The following TENM3 variants were observed in gnomAD, a reference collection of about 807,000 sequenced individuals.
TENM3 encodes teneurin transmembrane protein 3.
Under a neutral mutation model 255.1 loss-of-function variants are expected in TENM3, and 63 were observed. The ratio of observed to expected loss-of-function variants is 0.25; its 90% CI spans 0.20 to 0.30. The LOEUF (loss-of-function observed/expected upper bound fraction) is 0.30, where lower values mean the gene tolerates loss of function less well. Among genes scored for constraint, TENM3 ranks in the 10% least tolerant of loss-of-function variants. TENM3 has a pLI of 1.00. For missense variants in TENM3, 2,929 were observed against 3,461.1 expected (o/e 0.85, Z 3.86); for synonymous variants, 1,306 against 1,322.3 (o/e 0.99, Z 0.27).
the TENM3 span, among the ~76,000 whole-genome samples, chr4:181,726,505 T>C: frequency 2.6e-5 from 4 of 152,222 alleles, no homozygotes; most frequent in East Asian, 7.7e-4. Flanking sequence ...GAAATATTGC[T>C]TCTGAATGTC....
At chr4:182,780,861 T>C (rs957985865) in intron 24 of TENM3, among the ~76,000 whole-genome samples, 1 of 150,528 alleles carries the variant, frequency 6.6e-6, no homozygotes, top group Non-Finnish European at 1.5e-5. Context: ...TCTGTTTGTC[T>C]GTTGTTGGTG....
chr4:182,022,205 G>A, the TENM3 span, among the ~76,000 whole-genome samples: 1 of 151,964 alleles, frequency 6.6e-6, no homozygotes, highest in Non-Finnish European at 1.5e-5. Context: ...ATACACCATG[G>A]AATGCTATGC....
At chr4:182,281,124 G>A (rs1760358203) in intron 1 of TENM3, among the ~76,000 whole-genome samples, 2 of 152,124 alleles carry the variant, frequency 1.3e-5, no homozygotes. Context: ...ACATCTTTAA[G>A]TTGTAAAGCT....
chr4:181,566,003 T>C, the TENM3 span, among the ~76,000 whole-genome samples: 2 of 151,958 alleles, frequency 1.3e-5, no homozygotes, highest in African/African-American at 4.8e-5. Flanking sequence ...AAAAAGGAGA[T>C]AGAAACCACA....
chr4:182,539,373 G>A (rs1291377634), intron 3 of TENM3, among the ~76,000 whole-genome samples: 1 of 152,092 alleles, frequency 6.6e-6, no homozygotes, highest in African/African-American at 2.4e-5. Flanking sequence ...CTTCTCCGGA[G>A]GGATGGGAGT....
At chr4:182,441,428 T>C (rs1324725421) in intron 3 of TENM3, among the ~76,000 whole-genome samples, 1 of 152,244 alleles carries the variant, frequency 6.6e-6, no homozygotes, top group East Asian at 1.9e-4. Context: ...TTTTAAAATC[T>C]GGATTCTTCA....
chr4:182,053,104 C>A, the TENM3 span, among the ~76,000 whole-genome samples: 1 of 152,060 alleles, frequency 6.6e-6, no homozygotes, highest in Non-Finnish European at 1.5e-5. Context: ...CAAGTGAGTG[C>A]CACCTCTCCT....
At chr4:181,984,055 C>T in the TENM3 span, among the ~76,000 whole-genome samples, 1 of 152,008 alleles carries the variant, frequency 6.6e-6, no homozygotes. Flanking sequence ...CATTGCTGTA[C>T]TCATTCTTCT....
At chr4:181,464,039 A>G in the TENM3 span, among the ~76,000 whole-genome samples, 1 of 152,182 alleles carries the variant, frequency 6.6e-6, no homozygotes, top group Admixed American at 6.5e-5. Context: ...CATTTTGTTT[A>G]TCCATTTATA....
intron 1 of TENM3, among the ~76,000 whole-genome samples, chr4:182,253,723 A>G (rs1758192276): frequency 6.6e-6 from 1 of 152,218 alleles, no homozygotes; most frequent in Admixed American, 6.5e-5. Context: ...AAATTGAAGC[A>G]AACTTTTATC....
At chr4:181,985,688 A>G in the TENM3 span, among the ~76,000 whole-genome samples, 1 of 152,160 alleles carries the variant, frequency 6.6e-6, no homozygotes, top group African/African-American at 2.4e-5. Flanking sequence ...ATTGTATTTT[A>G]AATAAACAAT....
At chr4:182,389,626 C>T (rs141582306) in intron 3 of TENM3, among the ~76,000 whole-genome samples, 1 of 151,844 alleles carries the variant, frequency 6.6e-6, no homozygotes, top group East Asian at 1.9e-4. Context: ...GGCACCAATA[C>T]GAATTAGGTT....
the TENM3 span, among the ~76,000 whole-genome samples, chr4:181,634,309 G>C: frequency 6.7e-6 from 1 of 150,164 alleles, no homozygotes; most frequent in African/African-American, 2.5e-5. Flanking sequence ...TTCTTCAATC[G>C]TTTGAAAAAA....
chr4:182,421,411 C>T (rs146621910), intron 3 of TENM3, among the ~76,000 whole-genome samples: 3 of 152,242 alleles, frequency 2.0e-5, no homozygotes, highest in Admixed American at 6.5e-5. Flanking sequence ...TCTAGATCAA[C>T]GTTTCTCCCC....
chr4:181,653,457 C>T, the TENM3 span, among the ~76,000 whole-genome samples: 2 of 151,998 alleles, frequency 1.3e-5, no homozygotes, highest in Non-Finnish European at 2.9e-5. Context: ...TCGCCCAGGC[C>T]GGAGTGCAAT....
intron 3 of TENM3, among the ~76,000 whole-genome samples, chr4:182,425,221 G>A (rs1005562019): frequency 6.6e-6 from 1 of 152,132 alleles, no homozygotes; most frequent in Non-Finnish European, 1.5e-5. Context: ...GGGTGATTAT[G>A]TTGGACTCCA....
chr4:182,072,434 A>G, the TENM3 span, among the ~76,000 whole-genome samples: 19 of 152,312 alleles, frequency 1.2e-4, no homozygotes, highest in Admixed American at 6.5e-4. Flanking sequence ...TTGGACTTCC[A>G]GCCTCCAAAG....
At chr4:181,606,711 T>G in the TENM3 span, among the ~76,000 whole-genome samples, 2 of 152,016 alleles carry the variant, frequency 1.3e-5, no homozygotes, top group Admixed American at 1.3e-4. Context: ...GTTGCTAGTC[T>G]TATGTGGTCT....
the TENM3 span, among the ~76,000 whole-genome samples, chr4:181,489,905 G>C: frequency 6.6e-6 from 1 of 151,994 alleles, no homozygotes; most frequent in Non-Finnish European, 1.5e-5. Flanking sequence ...CAGATCATTT[G>C]GTTTTAGAAT....
Sources: gnomAD v4.1 joint callset for allele counts (sites outside exome capture counted in the v4.1 genomes callset) on GRCh38, gnomAD v4.1.1 for gene constraint, MANE v1.5 for transcripts, NCBI Gene and HGNC (gene_info 2026-07-23, HGNC 2026-07-21) for gene names.